Variants in HHAT observed in about 807,000 individuals in gnomAD.
The protein encoded by HHAT is hedgehog acyltransferase.
A neutral mutation model predicts 70.8 loss-of-function variants in HHAT; 47 were observed. The observed-to-expected ratio is 0.66, with a 90% confidence interval of 0.53 to 0.85. HHAT has a LOEUF of 0.85. Among genes scored for constraint, HHAT ranks in the 40% least tolerant of loss-of-function variants. HHAT has a pLI of 0.00. For missense variants in HHAT, 609 were observed against 604.8 expected (o/e 1.01, Z -0.07); for synonymous variants, 228 against 247.6 (o/e 0.92, Z 0.74).
At chr1:210,490,279 C>T (rs1362701974) in intron 8 of HHAT, among the ~76,000 whole-genome samples, 1 of 152,196 alleles carries the variant, frequency 6.6e-6, no homozygotes, top group Non-Finnish European at 1.5e-5. Flanking sequence ...GGGAATAACT[C>T]TGGCCTTTAA....
chr1:210,589,581 A>G (rs1433783127), intron 10 of HHAT: 1 of 152,250 alleles, frequency 6.6e-6, no homozygotes, highest in African/African-American at 2.4e-5. Context: ...CCTGCAACAC[A>G]TTTCTGTGCT....
chr1:210,400,509 C>A lies in HHAT; in HGVS notation c.315C>A (p.Cys105Ter). 1 of 1,613,842 alleles carries A rather than the reference C, an allele frequency of 6.2e-7. No individual in the cohort carries two copies. Among genetic ancestry groups the A allele is most frequent in the Non-Finnish European group, 8.5e-7 (1 of 1,179,888 alleles). Reference protein sequence around the residue: ...WILMLYGMWACWCVLGTPGVA... With the variant: ...WILMLYGMWA Reference sequence around the variant, plus strand: ...TCATGCTCTATGGGATGTGGGCCTGCTGGTGTGTGCTGGGGACCCCTGGTG... The same window carrying A: ...TCATGCTCTATGGGATGTGGGCCTGATGGTGTGTGCTGGGGACCCCTGGTG... The change falls in exon 5 of 12, where the codon TGC (cysteine) becomes TGA (stop). Residue 105 changes from cysteine to a stop codon, truncating the protein, a stop_gained. Coordinates refer to ENST00000261458, the MANE Select transcript of HHAT (RefSeq NM_018194.6). LOFTEE classifies it high-confidence loss of function.
Position 210,623,543 on chromosome 1 carries a change from A to G in HHAT, c.1263A>G (p.Pro421=). 1 of 1,613,798 alleles carries G rather than the reference A, an allele frequency of 6.2e-7. No homozygotes were observed. Among genetic ancestry groups the G allele is most frequent in the Non-Finnish European group, 8.5e-7 (1 of 1,179,914 alleles). ...TCCCGTAGGCCCGATACTTCTCCCC[A>G]CAAGCTCGCCGTCGATTCCACGCTG... ...IQDSLARYFS[P]QARRRFHAAL... Residue 421 remains proline, a synonymous_variant, in exon 11 of 12, where the codon CCA becomes CCG. Transcript: ENST00000261458.
chr1:210,498,526 C>A (rs1386897976), intron 8 of HHAT, among the ~76,000 whole-genome samples: 1 of 152,150 alleles, frequency 6.6e-6, no homozygotes, highest in African/African-American at 2.4e-5. Context: ...TATGTTCTCA[C>A]CTGTGCATAT....
intron 9 of HHAT, among the ~76,000 whole-genome samples, chr1:210,551,264 G>A (rs1268063992): frequency 6.7e-6 from 1 of 148,744 alleles, no homozygotes; most frequent in Non-Finnish European, 1.5e-5. Flanking sequence ...GGGAGAGAGG[G>A]GATGTCCCAG....
chr1:210,479,359 G>T (rs574408333), intron 8 of HHAT, among the ~76,000 whole-genome samples: 1 of 152,176 alleles, frequency 6.6e-6, no homozygotes, highest in Non-Finnish European at 1.5e-5. Flanking sequence ...TGCCCTCAGG[G>T]AGTTAATACT....
chr1:210,547,639 T>C (rs2095495145), intron 9 of HHAT, among the ~76,000 whole-genome samples: 1 of 152,224 alleles, frequency 6.6e-6, no homozygotes, highest in South Asian at 2.1e-4. Context: ...GGACACCATT[T>C]TGTGCATAAC....
intron 11 of HHAT, among the ~76,000 whole-genome samples, chr1:210,638,722 CA>C (rs71146238): frequency 0.3 from 28,063 of 94,652 alleles, 2,523 homozygotes; most frequent in South Asian, 0.44. Context: ...CCTGTATTTA[CA>C]AAAAAAAAAA....
At chr1:210,538,827 AG>A (rs2095400463) in intron 9 of HHAT, among the ~76,000 whole-genome samples, 1 of 152,234 alleles carries the variant, frequency 6.6e-6, no homozygotes, top group African/African-American at 2.4e-5. Context: ...CTGTAATCCC[AG>A]CACTTTGGGA....
chr1:210,334,575 A>C (rs975918546), intron 1 of HHAT, among the ~76,000 whole-genome samples: 5 of 152,162 alleles, frequency 3.3e-5, no homozygotes, highest in African/African-American at 1.2e-4. Context: ...TGGATTGTTT[A>C]TATAATCTAC....
Position 210,349,024 on chromosome 1 carries a change from T to G in HHAT, c.49T>G (p.Phe17Val), listed in dbSNP as rs763566623. 6.2e-7 allele frequency: 1 copy of G among 1,614,090 alleles called. No homozygotes were observed. Among genetic ancestry groups the G allele is most frequent in the South Asian group, 1.1e-5 (1 of 91,088 alleles). ...LALYLLASLGFHFYSFYEVYK... is the reference protein window; with the variant it reads ...LALYLLASLGVHFYSFYEVYK... The stretch of plus-strand genomic sequence containing the variant: ...ACTTTACCTACTTGCCTCACTAGGC[T>G]TCCACTTCTATTCCTTCTATGAAGT... Residue 17 changes from phenylalanine to valine, a missense_variant, in exon 2 of 12, where the codon TTC becomes GTC. Transcript: ENST00000261458.
At chr1:210,469,668 C>T (rs17016247) in intron 8 of HHAT, among the ~76,000 whole-genome samples, 25,967 of 151,832 alleles carry the variant, frequency 0.17, 2,634 homozygotes, top group South Asian at 0.23. Flanking sequence ...GCCATTTGTT[C>T]GTTTGTGGTT....
chr1:210,479,905 C>A (rs536640857), intron 8 of HHAT, among the ~76,000 whole-genome samples: 2 of 152,276 alleles, frequency 1.3e-5, no homozygotes. Context: ...CCAGCAGACT[C>A]GGAGTCACAT....
At chr1:210,578,932 A>G (rs1318399974) in intron 9 of HHAT, among the ~76,000 whole-genome samples, 1 of 152,224 alleles carries the variant, frequency 6.6e-6, no homozygotes, top group Non-Finnish European at 1.5e-5. Flanking sequence ...GGCAGATTGG[A>G]TAAAGAAAAT....
At chr1:210,579,153 G>C (rs1241743209) in intron 9 of HHAT, among the ~76,000 whole-genome samples, 1 of 152,120 alleles carries the variant, frequency 6.6e-6, no homozygotes. Flanking sequence ...GAGGGTGGGA[G>C]GAGGGAGAGA....
chr1:210,405,273 G>A (rs1039070918), intron 6 of HHAT, among the ~76,000 whole-genome samples: 2 of 152,050 alleles, frequency 1.3e-5, no homozygotes, highest in African/African-American at 4.8e-5. Context: ...TGTCTGAAAT[G>A]CCATGTTAAG....
intron 1 of HHAT, among the ~76,000 whole-genome samples, chr1:210,342,311 G>A (rs536631656): frequency 3.0e-4 from 45 of 152,254 alleles, no homozygotes; most frequent in African/African-American, 1.0e-3. Flanking sequence ...ACATGAAATC[G>A]TATGTTTTAA....
At position 210,564,767 on chromosome 1, in the gene HHAT, A is replaced by G. The variant is rs555094741; in HGVS notation, c.1044-23131A>G. Among the ~76,000 whole-genome samples, 571 of 152,110 alleles carry G rather than the reference A, an allele frequency of 3.8e-3. 1 individual carries two copies. The highest frequency in any genetic ancestry group is 0.013 in the African/African-American group (542 of 41,486). ...GACACAGATGTAGCCATTGGCTGTG[A>G]CAATATGGAGGTCTTTGATGACCTT... is the stretch of plus-strand genomic sequence containing the variant. On this transcript the variant is annotated intron_variant, in intron 9 of 11. Coordinates refer to ENST00000261458, the MANE Select transcript of HHAT (RefSeq NM_018194.6).
At chr1:210,520,156 C>T (rs2095132635) in intron 9 of HHAT, among the ~76,000 whole-genome samples, 1 of 152,126 alleles carries the variant, frequency 6.6e-6, no homozygotes, top group Non-Finnish European at 1.5e-5. Context: ...GCTGGGATTA[C>T]AGGCACCCAC....
Sources: gnomAD v4.1 joint callset for allele counts (sites outside exome capture counted in the v4.1 genomes callset) on GRCh38, gnomAD v4.1.1 for gene constraint, MANE v1.5 for transcripts, NCBI Gene and HGNC (gene_info 2026-07-23, HGNC 2026-07-21) for gene names.